CACNB4: variants seen among roughly 807,000 people sequenced by gnomAD.
The protein encoded by CACNB4 is calcium voltage-gated channel auxiliary subunit beta 4.
CACNB4 carries 32 observed loss-of-function variants against 71.2 expected under a neutral mutation model. The observed-to-expected ratio is 0.45, with a 90% CI of 0.34 to 0.60. The LOEUF (loss-of-function observed/expected upper bound fraction) is 0.60, where lower values mean the gene tolerates loss of function less well. Among genes scored for constraint, CACNB4 ranks in the 20% least tolerant of loss-of-function variants. The pLI is 0.01. For missense variants in CACNB4, 464 were observed against 647.9 expected, an observed-to-expected ratio of 0.72 and a Z score of 3.08; for synonymous variants, 231 against 236.9, an observed-to-expected ratio of 0.97 and a Z score of 0.23.
rs60067672 is a variant in CACNB4 at position 151,865,787 on chromosome 2, T to TC, written c.758+3389_758+3390insG. ...TTTTCTTTTTCTTTCTTTCTTTCTT[T>TC]TTTTTTTTTTTTATTGAGACAGAGT... is the stretch of plus-strand genomic sequence containing the variant. On this transcript the variant is annotated intron_variant, in intron 9 of 13. Coordinates refer to ENST00000539935, the MANE Select transcript of CACNB4 (RefSeq NM_000726.5). 810 of 140,072 alleles carry TC rather than the reference T, an allele frequency of 5.8e-3. 5 individuals are homozygous for TC. Among genetic ancestry groups the TC allele is most frequent in the Middle Eastern group, 0.021 (6 of 288 alleles). The allele number at this position is 140,072 out of a possible 1,614,324, so 8.7% of individuals were successfully genotyped here. A position where few individuals can be genotyped will look rare whatever the true frequency, so the allele number is the denominator to read the frequency against.
intron 2 of CACNB4, among the ~76,000 whole-genome samples, chr2:152,073,551 A>T (rs1406778089): frequency 4.6e-5 from 7 of 152,226 alleles, no homozygotes; most frequent in Non-Finnish European, 1.0e-4. Flanking sequence ...ATGATTATGA[A>T]TTGGAACAAG....
intron 4 of CACNB4, chr2:151,879,990 G>C (rs2099847418): frequency 6.6e-6 from 1 of 152,158 alleles, no homozygotes; most frequent in Non-Finnish European, 1.5e-5. Context: ...TGATGGAAAT[G>C]GTGAGACATA....
At chr2:151,875,801 A>G (rs1326852749) in intron 5 of CACNB4, among the ~76,000 whole-genome samples, 3 of 71,266 alleles carry the variant, frequency 4.2e-5, no homozygotes, top group African/African-American at 6.8e-5. Context: ...CAGGGGGCTG[A>G]CCCCCCACCT....
chr2:151,871,776 G>T (rs1429802557), intron 6 of CACNB4: 2 of 152,802 alleles, frequency 1.3e-5, no homozygotes, highest in Non-Finnish European at 2.9e-5. Flanking sequence ...TAATGCAACA[G>T]CAGTTCTAGG....
rs150201326 is a variant in CACNB4 at position 151,986,893 on chromosome 2, T to C, written c.148-103523A>G. 4.9e-3 allele frequency among the ~76,000 whole-genome samples: 746 copies of C among 152,128 alleles called. 9 individuals carry two copies. Among genetic ancestry groups the C allele is most frequent in the East Asian group, 0.048 (246 of 5,168 alleles). On this transcript the variant is annotated intron_variant, in intron 2 of 13. Transcript: ENST00000539935. Reference sequence around the variant, plus strand: ...TGTTACAAATCACCGGTATAAGAAGTTCAGCAGGAGTTGCTTCAGAGATTG... The same window carrying C: ...TGTTACAAATCACCGGTATAAGAAGCTCAGCAGGAGTTGCTTCAGAGATTG...
intron 2 of CACNB4, among the ~76,000 whole-genome samples, chr2:152,014,874 T>C (rs1683259451): frequency 6.6e-6 from 1 of 152,218 alleles, no homozygotes; most frequent in Non-Finnish European, 1.5e-5. Context: ...TGTTCCACTA[T>C]TAGAAATTTA....
chr2:151,980,148 T>C (rs890845628), intron 2 of CACNB4, among the ~76,000 whole-genome samples: 2 of 152,326 alleles, frequency 1.3e-5, no homozygotes, highest in Admixed American at 6.5e-5. Flanking sequence ...TTTGATTTGA[T>C]AACACGATTA....
intron 2 of CACNB4, among the ~76,000 whole-genome samples, chr2:151,990,633 C>T (rs1434853982): frequency 6.6e-6 from 1 of 152,154 alleles, no homozygotes; most frequent in African/African-American, 2.4e-5. Context: ...TCTGCAAATT[C>T]TGGGATTAAT....
At chr2:151,964,080 A>ATAAAT (rs2099870391) in intron 2 of CACNB4, among the ~76,000 whole-genome samples, 5 of 145,802 alleles carry the variant, frequency 3.4e-5, no homozygotes, top group Non-Finnish European at 7.8e-5. Context: ...AAAAAAAAAA[A>ATAAAT]AAAAAAAAAA....
In CACNB4 at chr2:151,848,204, T is replaced by A. The variant is rs149605220; in HGVS notation, c.1116+5244A>T. Among the ~76,000 whole-genome samples, 35 of 152,330 alleles carry A rather than the reference T, an allele frequency of 2.3e-4. No individual in the cohort carries two copies. In the East Asian group the frequency reaches 6.2e-3, roughly 27 times the overall value. On this transcript the variant is annotated intron_variant, in intron 12 of 13. Coordinates refer to ENST00000539935, the MANE Select transcript of CACNB4 (RefSeq NM_000726.5). Reference sequence around the variant, plus strand: ...GATCATAGCATTGGTGGGAATGAACTACCCCTAACTCGATATACCCAAGTC... The same window carrying A: ...GATCATAGCATTGGTGGGAATGAACAACCCCTAACTCGATATACCCAAGTC...
At position 152,038,004 on chromosome 2, in the gene CACNB4, G is replaced by A. The variant is rs561673168; in HGVS notation, c.147+60326C>T. On this transcript the variant is annotated intron_variant, in intron 2 of 13. Coordinates refer to ENST00000539935, the MANE Select transcript of CACNB4 (RefSeq NM_000726.5). The stretch of plus-strand genomic sequence containing the variant: ...CAAGGAGGCCGTGACAAAACGCAGG[G>A]CCCAGGGAATCTTCAGCATTCATCT... Among the ~76,000 whole-genome samples, 5 of 152,316 alleles carry A rather than the reference G, an allele frequency of 3.3e-5. No homozygotes were observed. The South Asian group carries it at 8.3e-4, about 25-fold the overall frequency.
intron 12 of CACNB4, among the ~76,000 whole-genome samples, chr2:151,843,919 A>G (rs2151324757): frequency 6.6e-6 from 1 of 152,290 alleles, no homozygotes; most frequent in Non-Finnish European, 1.5e-5. Flanking sequence ...ATTTTTATGG[A>G]AAATTTTGGC....
intron 2 of CACNB4, among the ~76,000 whole-genome samples, chr2:152,080,713 T>C (rs914733392): frequency 1.3e-5 from 2 of 152,192 alleles, no homozygotes; most frequent in African/African-American, 4.8e-5. Flanking sequence ...CCTCCAAATC[T>C]CATGTTGAAA....
At chr2:152,043,164 CAAT>C (rs1684965347) in intron 2 of CACNB4, among the ~76,000 whole-genome samples, 1 of 152,180 alleles carries the variant, frequency 6.6e-6, no homozygotes, top group South Asian at 2.1e-4. Context: ...CAAGAAGTAA[CAAT>C]AAGTATAAGC....
chr2:151,968,329 C>T (rs763143942), intron 2 of CACNB4: 3 of 152,114 alleles, frequency 2.0e-5, no homozygotes, highest in African/African-American at 7.2e-5. Flanking sequence ...CTAAATCAGC[C>T]GATGTAGATG....
intron 2 of CACNB4, among the ~76,000 whole-genome samples, chr2:151,985,300 T>G (rs1681289393): frequency 6.6e-6 from 1 of 152,146 alleles, no homozygotes; most frequent in African/African-American, 2.4e-5. Flanking sequence ...GTTCCCCACA[T>G]TACTAAAAAC....
chr2:151,949,497 A>C (rs2099866377), intron 2 of CACNB4, among the ~76,000 whole-genome samples: 1 of 152,130 alleles, frequency 6.6e-6, no homozygotes, highest in South Asian at 2.1e-4. Context: ...TCGTAGCCAA[A>C]AGAAGACACA....
At chr2:151,993,590 A>C (rs941451910) in intron 2 of CACNB4, among the ~76,000 whole-genome samples, 1 of 124,192 alleles carries the variant, frequency 8.1e-6, no homozygotes, top group African/African-American at 3.1e-5. Context: ...TTTGAGACGG[A>C]GTCTTGCTCT....
chr2:152,051,825 G>C (rs543348773), intron 2 of CACNB4, among the ~76,000 whole-genome samples: 2 of 152,094 alleles, frequency 1.3e-5, no homozygotes, highest in African/African-American at 4.8e-5. Context: ...CCACTCCCCC[G>C]ACCTTGGCAA....
Sources: gnomAD v4.1 joint callset for allele counts (sites outside exome capture counted in the v4.1 genomes callset) on GRCh38, gnomAD v4.1.1 for gene constraint, MANE v1.5 for transcripts, NCBI Gene and HGNC (gene_info 2026-07-23, HGNC 2026-07-21) for gene names.